The following NAV2 variants were observed in gnomAD, a reference collection of about 807,000 sequenced individuals.
NAV2 encodes neuron navigator 2.
A neutral mutation model predicts 223.2 loss-of-function variants in NAV2; 54 were observed. That is an observed-to-expected ratio of 0.24 (90% CI 0.19 to 0.30). The LOEUF is 0.30. Among genes scored for constraint, NAV2 ranks in the 10% least tolerant of loss-of-function variants. NAV2 has a pLI of 1.00. For synonymous variants in NAV2, 1,279 were observed against 1,239.3 expected (o/e 1.03, Z -0.67); for missense variants, 2,806 against 3,147.5 (o/e 0.89, Z 2.60).
At chr11:19,398,850 A>G (rs752232435) in intron 1 of NAV2, among the ~76,000 whole-genome samples, 14 of 152,154 alleles carry the variant, frequency 9.2e-5, no homozygotes, top group Non-Finnish European at 1.9e-4. Context: ...GTGGGTGCAC[A>G]ACATTTTTGG....
At position 19,892,538 on chromosome 11, in the gene NAV2, A is replaced by G. The variant is rs775073404; in HGVS notation, c.875A>G (p.Tyr292Cys). 6.2e-7 allele frequency: 1 copy of G among 1,614,090 alleles called. No homozygotes were observed. The highest frequency in any genetic ancestry group is 1.3e-5 in the African/African-American group (1 of 74,950). ...CGACGCAGCCAGAGCTTTAACAACTATGATAAATCCAAACCAGTCACCTCC... is the reference window on the plus strand; with the variant it reads ...CGACGCAGCCAGAGCTTTAACAACTGTGATAAATCCAAACCAGTCACCTCC... The part of the protein sequence containing the change: ...NNRRSQSFNN[Y>C]DKSKPVTSPP... Residue 292 changes from tyrosine (Y) to cysteine (C), a missense_variant, in exon 6 of 38, where the codon TAT becomes TGT. Tyr to Cys is a radical substitution (Grantham distance 194). Coordinates refer to ENST00000349880, the MANE Select transcript of NAV2 (RefSeq NM_145117.5).
chr11:19,860,146 C>G (rs866839548), intron 3 of NAV2, among the ~76,000 whole-genome samples: 4 of 71,592 alleles, frequency 5.6e-5, no homozygotes, highest in East Asian at 4.8e-4. Context: ...ACCTCCCGGA[C>G]GGGGCGGCTG....
intron 1 of NAV2, among the ~76,000 whole-genome samples, chr11:19,544,387 G>T (rs2044428189): frequency 6.6e-6 from 1 of 152,158 alleles, no homozygotes; most frequent in Non-Finnish European, 1.5e-5. Context: ...ATCAGGTTCA[G>T]ATCTCACATC....
At chr11:19,789,397 A>G (rs2057366790) in intron 1 of NAV2, among the ~76,000 whole-genome samples, 1 of 152,206 alleles carries the variant, frequency 6.6e-6, no homozygotes, top group Admixed American at 6.5e-5. Flanking sequence ...TTTCAGGGAG[A>G]GAAGGTTTGA....
At chr11:19,883,830 G>A (rs1591055828) in intron 5 of NAV2, among the ~76,000 whole-genome samples, 1 of 152,100 alleles carries the variant, frequency 6.6e-6, no homozygotes, top group African/African-American at 2.4e-5. Flanking sequence ...AATCCCCAAG[G>A]CCAGCAACAT....
At chr11:19,428,425 T>C (rs1850920670) in intron 1 of NAV2, among the ~76,000 whole-genome samples, 1 of 152,240 alleles carries the variant, frequency 6.6e-6, no homozygotes. Context: ...AATTAGCTCC[T>C]TGACGCATTC....
rs1463516180 is a variant in NAV2 at position 20,049,186 on chromosome 11, T to C, written c.4361T>C (p.Leu1454Pro). ...FVRTNSVKTT[L>P]SESPLSSPAA... ...AGAACTAACAGTGTGAAGACCACAC[T>C]GTCAGAAAGGTTGGTGCTGTGCCTC... The change falls in exon 15 of 38, where the codon CTG becomes CCG. Residue 1454 changes from leucine (L) to proline (P), a missense_variant. By Grantham distance (98) the Leu-to-Pro change is moderately conservative. Around this residue, in one of 4 missense-constraint regions of NAV2, gnomAD observed 742 missense variants for 777.9 expected, o/e 0.95. Transcript: ENST00000349880. 1.3e-6 allele frequency: 2 copies of C among 1,592,982 alleles called. No homozygotes were observed. The highest frequency in any genetic ancestry group is 2.7e-5 in the African/African-American group (2 of 74,474).
Position 19,933,093 on chromosome 11 carries a change from T to C in NAV2, c.932-83T>C. ...CGGCATTTGGGTTGGGAGTGATTGG[T>C]TGTGTGGCCATGGCTGACCCTCCCT... is the stretch of plus-strand genomic sequence containing the variant. On this transcript the variant is annotated intron_variant, in intron 6 of 37. Coordinates refer to ENST00000349880, the MANE Select transcript of NAV2 (RefSeq NM_145117.5). This position sits in a 1 kb window ranked among gnomAD's most constrained non-coding sequence, Gnocchi z 4.3. 2 of 1,444,764 alleles carry C rather than the reference T, an allele frequency of 1.4e-6. No homozygotes were observed. The highest frequency in any genetic ancestry group is 1.8e-6 in the Non-Finnish European group (2 of 1,090,240). 89.5% of individuals were successfully genotyped at this position (1,444,764 alleles called of 1,614,324 possible).
rs377546775 is a variant in NAV2, at chr11:20,081,789, A to G, written c.5326-1218A>G. Among the ~76,000 whole-genome samples, 14 of 152,310 alleles carry G rather than the reference A, an allele frequency of 9.2e-5. No homozygotes were observed. In the East Asian group the frequency reaches 1.9e-3, roughly 21 times the overall value. On this transcript the variant is annotated intron_variant, in intron 25 of 37. Coordinates refer to ENST00000349880, the MANE Select transcript of NAV2 (RefSeq NM_145117.5). ...TTCAGTGGCTAAGAAAACCCCTGGA[A>G]CGTATTTTCACAAGGAAAAAAGACT...
intron 1 of NAV2, among the ~76,000 whole-genome samples, chr11:19,611,176 T>C (rs1413884353): frequency 6.6e-6 from 1 of 151,398 alleles, no homozygotes; most frequent in African/African-American, 2.4e-5. Context: ...GTGAGACTTA[T>C]TCACTATCAT....
chr11:19,456,958 C>T (rs1420273076), intron 1 of NAV2, among the ~76,000 whole-genome samples: 1 of 152,222 alleles, frequency 6.6e-6, no homozygotes, highest in Non-Finnish European at 1.5e-5. Context: ...ATGCCTTTTG[C>T]TTCCCACCTC....
chr11:19,774,497 A>T (rs533116807), intron 1 of NAV2, among the ~76,000 whole-genome samples: 1 of 152,308 alleles, frequency 6.6e-6, no homozygotes, highest in Non-Finnish European at 1.5e-5. Flanking sequence ...TTTATGACCC[A>T]GCTGTACACT....
chr11:19,623,167 A>G (rs779549497), intron 1 of NAV2, among the ~76,000 whole-genome samples: 1 of 152,180 alleles, frequency 6.6e-6, no homozygotes, highest in African/African-American at 2.4e-5. Context: ...TTTGTGGGCA[A>G]TCTGACCTTT....
intron 3 of NAV2, among the ~76,000 whole-genome samples, chr11:19,858,660 CA>C (rs1316738544): frequency 6.6e-6 from 1 of 152,154 alleles, no homozygotes; most frequent in Non-Finnish European, 1.5e-5. Context: ...TCTCCTTAGC[CA>C]AAACTATTTG....
At chr11:19,669,938 A>C (rs1433049530) in intron 1 of NAV2, among the ~76,000 whole-genome samples, 1 of 152,184 alleles carries the variant, frequency 6.6e-6, no homozygotes, top group Non-Finnish European at 1.5e-5. Flanking sequence ...TGTGAATATA[A>C]TCATATGCCC....
At chr11:20,020,138 C>A (rs1171665444) in intron 11 of NAV2, among the ~76,000 whole-genome samples, 1 of 152,172 alleles carries the variant, frequency 6.6e-6, no homozygotes, top group Non-Finnish European at 1.5e-5. Flanking sequence ...ATAAAATACT[C>A]ATTAGAAATA....
At chr11:19,618,206 A>C (rs2046856231) in intron 1 of NAV2, among the ~76,000 whole-genome samples, 1 of 148,116 alleles carries the variant, frequency 6.8e-6, no homozygotes, top group Non-Finnish European at 1.5e-5. Context: ...TATTTGTTGC[A>C]TGGATGGATG....
At chr11:20,028,702 A>G (rs575782850) in intron 11 of NAV2, among the ~76,000 whole-genome samples, 1 of 152,194 alleles carries the variant, frequency 6.6e-6, no homozygotes, top group East Asian at 1.9e-4. Flanking sequence ...TCTCCTTTCC[A>G]TCCGGGGGAA....
intron 1 of NAV2, among the ~76,000 whole-genome samples, chr11:19,643,822 A>T (rs1052944057): frequency 4.6e-5 from 7 of 152,126 alleles, no homozygotes; most frequent in Admixed American, 2.0e-4. Flanking sequence ...CCTCTCCAGC[A>T]CCTGTTGTTT....
Sources: gnomAD v4.1 joint callset for allele counts (sites outside exome capture counted in the v4.1 genomes callset) on GRCh38, gnomAD v4.1.1 for gene constraint, gnomAD v4.1.1 regional missense constraint, Gnocchi (gnomAD v3.1) non-coding constraint, MANE v1.5 for transcripts, NCBI Gene and HGNC (gene_info 2026-07-23, HGNC 2026-07-21) for gene names.